The following ETV6 variants were observed in gnomAD, a reference collection of about 807,000 sequenced individuals.
ETV6 encodes transcription factor ETV6.
Under a neutral mutation model 51.1 loss-of-function variants are expected in ETV6, and 16 were observed. The ratio of observed to expected loss-of-function variants is 0.31; its 90% CI spans 0.21 to 0.48. The LOEUF (loss-of-function observed/expected upper bound fraction) is 0.48, where lower values mean the gene tolerates loss of function less well. Among genes scored for constraint, ETV6 ranks in the 20% least tolerant of loss-of-function variants. The probability of loss-of-function intolerance (pLI) is 0.99; values close to 1 mark genes in which losing one functional copy is unlikely to be tolerated. For missense variants in ETV6, 458 were observed against 594.8 expected, an observed-to-expected ratio of 0.77 and a Z score of 2.39; for synonymous variants, 240 against 224.1, an observed-to-expected ratio of 1.07 and a Z score of -0.64.
At chr12:11,655,917 T>G (rs535699021) in intron 1 of ETV6, among the ~76,000 whole-genome samples, 12 of 152,354 alleles carry the variant, frequency 7.9e-5, no homozygotes, top group African/African-American at 2.6e-4. Context: ...GTAAATTCTC[T>G]GTAATTAAAG....
intron 2 of ETV6, among the ~76,000 whole-genome samples, chr12:11,791,542 G>A (rs2723824): frequency 2.0e-5 from 3 of 152,042 alleles, no homozygotes; most frequent in East Asian, 3.9e-4. Flanking sequence ...CTGTAAGGTC[G>A]TGCATAAGGG....
chr12:11,771,541 C>T (rs988748958), intron 2 of ETV6, among the ~76,000 whole-genome samples: 10 of 152,124 alleles, frequency 6.6e-5, no homozygotes, highest in African/African-American at 2.2e-4. Context: ...TTGTATGTTA[C>T]CAGAGTGATC....
chr12:11,668,741 C>T (rs1864246621), intron 1 of ETV6, among the ~76,000 whole-genome samples: 1 of 152,146 alleles, frequency 6.6e-6, no homozygotes, highest in South Asian at 2.1e-4. Context: ...AGAAATTTTC[C>T]CCCTGTGGCT....
intron 1 of ETV6, among the ~76,000 whole-genome samples, chr12:11,717,991 AC>A (rs1274787016): frequency 6.6e-6 from 1 of 151,838 alleles, no homozygotes; most frequent in African/African-American, 2.4e-5. Context: ...GCTGAAAAGA[AC>A]AAACAGAATG....
chr12:11,682,984 C>T (rs188783170), intron 1 of ETV6, among the ~76,000 whole-genome samples: 5 of 152,322 alleles, frequency 3.3e-5, no homozygotes, highest in Non-Finnish European at 7.4e-5. Context: ...TTTGTTTGCA[C>T]TTTCATTGTG....
At position 11,737,346 on chromosome 12, in the gene ETV6, G is replaced by T. The variant is rs554449732; in HGVS notation, c.34-15104G>T. Among the ~76,000 whole-genome samples, 4 of 152,310 alleles carry T rather than the reference G, an allele frequency of 2.6e-5. No individual in the cohort carries two copies. In the South Asian group the frequency reaches 8.3e-4, roughly 32 times the overall value. On this transcript the variant is annotated intron_variant, in intron 1 of 7. Coordinates refer to ENST00000396373, the MANE Select transcript of ETV6 (RefSeq NM_001987.5). ...AAGGCACTGAATTTAGACTCTGCACGCAGTTCTAAGAGGTGTTCTCAACAC... is the reference window on the plus strand; with the variant it reads ...AAGGCACTGAATTTAGACTCTGCACTCAGTTCTAAGAGGTGTTCTCAACAC...
chr12:11,668,412 T>A (rs200740772), intron 1 of ETV6, among the ~76,000 whole-genome samples: 13 of 151,830 alleles, frequency 8.6e-5, no homozygotes, highest in Admixed American at 2.6e-4. Context: ...TTTTTTTTTT[T>A]AAATTGATGT....
chr12:11,830,994 A>T (rs1252132878), intron 2 of ETV6, among the ~76,000 whole-genome samples: 1 of 152,242 alleles, frequency 6.6e-6, no homozygotes, highest in East Asian at 1.9e-4. Flanking sequence ...TTTAAAATGT[A>T]GGGAAAAGTA....
chr12:11,672,488 G>C (rs1327970582), intron 1 of ETV6, among the ~76,000 whole-genome samples: 2 of 152,142 alleles, frequency 1.3e-5, no homozygotes, highest in Non-Finnish European at 2.9e-5. Flanking sequence ...TCCTAACTTC[G>C]TTAACACAAC....
In ETV6 at chr12:11,893,662, A is replaced by C. The variant is rs974056421; in HGVS notation, c.*2616A>C. On this transcript the variant is annotated 3_prime_UTR_variant, in exon 8 of 8. Transcript: ENST00000396373. Reference sequence around the variant, plus strand: ...CATTTGCTTTCTTATGGTTCAATGTACACAAACTGTTTTATATAGAAAATG... The same window carrying C: ...CATTTGCTTTCTTATGGTTCAATGTCCACAAACTGTTTTATATAGAAAATG... The C allele has an allele frequency of 1.7e-5, 4 of 229,954 alleles. No homozygotes were observed. Among genetic ancestry groups the C allele is most frequent in the Non-Finnish European group, 2.6e-5 (3 of 116,262 alleles). The allele number at this position is 229,954 out of a possible 1,614,324, so 14.2% of individuals were successfully genotyped here. A position where few individuals can be genotyped will look rare whatever the true frequency, so the allele number is the denominator to read the frequency against.
chr12:11,884,723 C>G lies in ETV6; in HGVS notation c.1152+136C>G, dbSNP rs188879550. 43 of 1,083,402 alleles carry G rather than the reference C, an allele frequency of 4.0e-5. No individual in the cohort carries two copies. In the African/African-American group the frequency reaches 6.0e-4, roughly 15 times the overall value. The allele number at this position is 1,083,402 out of a possible 1,614,324, so 67.1% of individuals were successfully genotyped here. ...TTTAGTTTATTCCTTGCTGGGCAAG[C>G]AATTAGGCAGTTGCAAAGGGAAGGA... On this transcript the variant is annotated intron_variant, in intron 6 of 7. Transcript: ENST00000396373.
At chr12:11,733,821 C>T (rs939961526) in intron 1 of ETV6, among the ~76,000 whole-genome samples, 4 of 152,164 alleles carry the variant, frequency 2.6e-5, no homozygotes, top group African/African-American at 9.7e-5. Flanking sequence ...TAAATCCAGG[C>T]GAAGCTGATG....
chr12:11,655,733 T>G (rs1001142134), intron 1 of ETV6, among the ~76,000 whole-genome samples: 5 of 152,230 alleles, frequency 3.3e-5, no homozygotes, highest in African/African-American at 1.2e-4. Flanking sequence ...AATACAGAGT[T>G]CAGCCTGGTC....
Position 11,670,948 on chromosome 12 carries a change from G to A in ETV6, c.33+20788G>A, listed in dbSNP as rs150805782. Reference sequence around the variant, plus strand: ...ATTAAAACCCATATTTTTTGGAGAGGGATATTAAGTGAGCAGGGATTGTGG... The same window carrying A: ...ATTAAAACCCATATTTTTTGGAGAGAGATATTAAGTGAGCAGGGATTGTGG... On this transcript the variant is annotated intron_variant, in intron 1 of 7. Coordinates refer to ENST00000396373, the MANE Select transcript of ETV6 (RefSeq NM_001987.5). Among the ~76,000 whole-genome samples, 823 of 152,176 alleles carry A rather than the reference G, an allele frequency of 5.4e-3. 12 individuals carry two copies. Among genetic ancestry groups the A allele is most frequent in the African/African-American group, 0.019 (773 of 41,508 alleles).
At chr12:11,858,813 A>C (rs367881001) in intron 4 of ETV6, among the ~76,000 whole-genome samples, 44 of 141,308 alleles carry the variant, frequency 3.1e-4, no homozygotes, top group African/African-American at 1.1e-3. Flanking sequence ...CAAGGTAAAC[A>C]TGGAAATCGC....
intron 2 of ETV6, among the ~76,000 whole-genome samples, chr12:11,821,182 A>C (rs1027089008): frequency 2.6e-5 from 4 of 151,626 alleles, no homozygotes; most frequent in Non-Finnish European, 5.9e-5. Context: ...CTAACACGGC[A>C]AAACCCCATC....
At chr12:11,661,003 T>C (rs548251032) in intron 1 of ETV6, among the ~76,000 whole-genome samples, 57 of 152,316 alleles carry the variant, frequency 3.7e-4, no homozygotes, top group African/African-American at 1.2e-3. Flanking sequence ...TGCTGTATCC[T>C]CTTTTCTTTA....
At chr12:11,709,325 G>A (rs926535646) in intron 1 of ETV6, among the ~76,000 whole-genome samples, 18 of 151,738 alleles carry the variant, frequency 1.2e-4, no homozygotes, top group Admixed American at 3.3e-4. Context: ...TTTTGAAAGC[G>A]TTTGATCTTT....
chr12:11,770,237 A>G (rs931550011), intron 2 of ETV6, among the ~76,000 whole-genome samples: 1 of 151,874 alleles, frequency 6.6e-6, no homozygotes, highest in African/African-American at 2.4e-5. Flanking sequence ...TGCTTTGGAT[A>G]TTGGGAGGTG....
Sources: allele counts gnomAD v4.1 joint callset (sites outside exome capture counted in the v4.1 genomes callset), GRCh38; gene constraint gnomAD v4.1.1; transcripts MANE v1.5; gene names NCBI Gene and HGNC (gene_info 2026-07-23, HGNC 2026-07-21).